Variants in EFCAB6 observed in about 807,000 individuals in gnomAD.
EFCAB6 encodes the protein EF-hand calcium-binding domain-containing protein 6.
A neutral mutation model predicts 169.8 loss-of-function variants in EFCAB6; 156 were observed. That is an observed-to-expected ratio of 0.92 (90% CI 0.81 to 1.05). The LOEUF (loss-of-function observed/expected upper bound fraction) is 1.05, where lower values mean the gene tolerates loss of function less well. Ranked by LOEUF, EFCAB6 falls within the 50% of genes least tolerant of loss-of-function variation. The pLI is 0.00. For missense variants in EFCAB6, 1,800 were observed against 1,829.1 expected, an observed-to-expected ratio of 0.98 and a Z score of 0.29; for synonymous variants, 698 against 676.4, an observed-to-expected ratio of 1.03 and a Z score of -0.50.
intron 28 of EFCAB6, among the ~76,000 whole-genome samples, chr22:43,538,458 G>C (rs1000552259): frequency 2.6e-5 from 4 of 152,062 alleles, no homozygotes; most frequent in Non-Finnish European, 4.4e-5. Context: ...GTGCAATCTC[G>C]GCTCACTGCA....
chr22:43,540,081 T>A (rs753936807), intron 28 of EFCAB6, 46 bp downstream of exon 28: 1 of 1,600,398 alleles, frequency 6.2e-7, no homozygotes, highest in Admixed American at 1.7e-5. Flanking sequence ...GATTTGTGGA[T>A]GTGGCATGAG....
chr22:43,530,159 C>T (rs954656526), intron 31 of EFCAB6, among the ~76,000 whole-genome samples: 1 of 152,238 alleles, frequency 6.6e-6, no homozygotes, highest in African/African-American at 2.4e-5. Flanking sequence ...CAGCACCACG[C>T]CCGAATTCCT....
At chr22:43,575,790 T>C (rs937842266) in intron 26 of EFCAB6, among the ~76,000 whole-genome samples, 15 of 152,110 alleles carry the variant, frequency 9.9e-5, no homozygotes, top group African/African-American at 3.6e-4. Context: ...ATACTTAATG[T>C]CTCTGTGCCA....
At chr22:43,704,330 T>C (rs1266536744) in intron 10 of EFCAB6, among the ~76,000 whole-genome samples, 1 of 152,140 alleles carries the variant, frequency 6.6e-6, no homozygotes, top group Non-Finnish European at 1.5e-5. Context: ...GCTAAGAGAA[T>C]TCATCACTAC....
At chr22:43,677,932 T>C (rs895547820) in intron 13 of EFCAB6, 64 bp downstream of exon 13, 172 of 1,508,458 alleles carry the variant, frequency 1.1e-4, no homozygotes, top group Admixed American at 3.7e-4. Context: ...GCATCTCTTA[T>C]TAGGAATACT....
At chr22:43,695,771 G>A (rs915340064) in intron 10 of EFCAB6, among the ~76,000 whole-genome samples, 2 of 152,020 alleles carry the variant, frequency 1.3e-5, no homozygotes, top group Non-Finnish European at 1.5e-5. Context: ...TTGGATATCT[G>A]TATGGAAACA....
At chr22:43,624,522 C>T (rs1445225812) in intron 20 of EFCAB6, among the ~76,000 whole-genome samples, 4 of 152,174 alleles carry the variant, frequency 2.6e-5, no homozygotes, top group Non-Finnish European at 4.4e-5. Flanking sequence ...TTAACACTCC[C>T]GCCTGCCTCT....
At chr22:43,647,910 C>T (rs1364761166) in intron 17 of EFCAB6, among the ~76,000 whole-genome samples, 1 of 152,160 alleles carries the variant, frequency 6.6e-6, no homozygotes, top group Non-Finnish European at 1.5e-5. Flanking sequence ...GAGCATGGCT[C>T]TGCTGACACC....
intron 18 of EFCAB6, among the ~76,000 whole-genome samples, chr22:43,633,704 T>C (rs2055156377): frequency 6.6e-6 from 1 of 152,184 alleles, no homozygotes; most frequent in South Asian, 2.1e-4. Context: ...CACCTGTTGC[T>C]CCTGCGCCCT....
intron 29 of EFCAB6, chr22:43,536,455 A>T (rs1209114722): frequency 1.3e-5 from 2 of 152,178 alleles, no homozygotes; most frequent in Non-Finnish European, 2.9e-5. Flanking sequence ...CTTTAAAAGG[A>T]GTCTGTATAT....
At chr22:43,549,044 A>G (rs2048239077) in intron 27 of EFCAB6, among the ~76,000 whole-genome samples, 1 of 152,252 alleles carries the variant, frequency 6.6e-6, no homozygotes, top group Non-Finnish European at 1.5e-5. Context: ...AGAAGGAATC[A>G]AAATGGAAAT....
chr22:43,730,097 G>A (rs2059883956), intron 8 of EFCAB6, among the ~76,000 whole-genome samples: 2 of 148,960 alleles, frequency 1.3e-5, no homozygotes, highest in African/African-American at 5.0e-5. Flanking sequence ...CCAAAGTGCT[G>A]GAATTGCTCA....
chr22:43,810,053 A>G (rs2063057932), intron 1 of EFCAB6, among the ~76,000 whole-genome samples: 1 of 151,386 alleles, frequency 6.6e-6, no homozygotes, highest in South Asian at 2.1e-4. Context: ...GGCACATGCC[A>G]CCATAGATAT....
intron 23 of EFCAB6, among the ~76,000 whole-genome samples, chr22:43,591,325 T>C (rs28451893): frequency 0.047 from 7,137 of 150,698 alleles, 594 homozygotes; most frequent in African/African-American, 0.16. Context: ...GGCATGGCGG[T>C]GGGCACCTGT....
chr22:43,691,868 C>T (rs1196312684), intron 10 of EFCAB6, among the ~76,000 whole-genome samples: 1 of 152,078 alleles, frequency 6.6e-6, no homozygotes, highest in East Asian at 1.9e-4. Context: ...CCAGAGCAGG[C>T]AAAGTCTTGT....
chr22:43,538,650 G>A (rs756913566), intron 28 of EFCAB6, among the ~76,000 whole-genome samples: 8 of 152,162 alleles, frequency 5.3e-5, no homozygotes, highest in Non-Finnish European at 1.0e-4. Flanking sequence ...GCTTCCCAAA[G>A]TGCTGGGAGT....
At chr22:43,737,567 A>C (rs995952359) in intron 6 of EFCAB6, among the ~76,000 whole-genome samples, 8 of 149,818 alleles carry the variant, frequency 5.3e-5, no homozygotes, top group African/African-American at 2.0e-4. Context: ...ACACACACTC[A>C]CCTGTGCATA....
intron 10 of EFCAB6, among the ~76,000 whole-genome samples, chr22:43,689,219 G>C (rs933017071): frequency 6.6e-6 from 1 of 152,006 alleles, no homozygotes. Flanking sequence ...GGGGGGCGCA[G>C]GGCCGGAGGC....
intron 12 of EFCAB6, among the ~76,000 whole-genome samples, chr22:43,680,777 T>C (rs1020980228): frequency 3.3e-5 from 5 of 152,366 alleles, no homozygotes; most frequent in African/African-American, 9.6e-5. Context: ...GAAATATAAC[T>C]GATTTTTGTA....
Sources: allele counts gnomAD v4.1 joint callset (sites outside exome capture counted in the v4.1 genomes callset), GRCh38; gene constraint gnomAD v4.1.1; transcripts MANE v1.5; gene names NCBI Gene and HGNC (gene_info 2026-07-23, HGNC 2026-07-21).